LRP1B: variants seen among roughly 807,000 people sequenced by gnomAD.
LRP1B encodes low-density lipoprotein receptor-related protein 1B.
A neutral mutation model predicts 556.6 loss-of-function variants in LRP1B; 217 were observed. That is an observed-to-expected ratio of 0.39 (90% CI 0.35 to 0.44). The LOEUF (loss-of-function observed/expected upper bound fraction) is 0.44. LRP1B is among the 20% of genes least tolerant of loss of function. The probability of loss-of-function intolerance (pLI) is 1.00; values close to 1 mark genes in which losing one functional copy is unlikely to be tolerated. For synonymous variants in LRP1B, 2,047 were observed against 1,865.8 expected (o/e 1.10, Z -2.50); for missense variants, 5,053 against 5,620.8 (o/e 0.90, Z 3.23).
chr2:140,421,180 T>C (rs139479413), intron 66 of LRP1B, among the ~76,000 whole-genome samples: 2,536 of 152,090 alleles, frequency 0.017, 75 homozygotes, highest in African/African-American at 0.058. Context: ...GCTTGAACCC[T>C]GGAGACAGAG....
At chr2:141,957,585 T>C (rs1276776266) in intron 1 of LRP1B, among the ~76,000 whole-genome samples, 1 of 152,004 alleles carries the variant, frequency 6.6e-6, no homozygotes, top group Non-Finnish European at 1.5e-5. Context: ...CAGACACATT[T>C]TGTGCTCTTT....
At position 140,867,635 on chromosome 2, in the gene LRP1B, G is replaced by A. The variant is rs2105153421; in HGVS notation, c.4534C>T (p.Gln1512Ter). The A allele has an allele frequency of 6.2e-7, 1 of 1,613,422 alleles. No homozygotes were observed. The highest frequency in any genetic ancestry group is 8.5e-7 in the Non-Finnish European group (1 of 1,179,580). The change falls in exon 27 of 91, where the codon CAG becomes TAG. Residue 1512 changes from glutamine (Q) to a stop codon, truncating the protein, a stop_gained. Transcript: ENST00000389484. LOFTEE classifies it high-confidence loss of function. The stretch of plus-strand genomic sequence containing the variant: ...TGGTATATCTGAAGGTCAAATGGCT[G>A]TGCACTGGTTTTCTGAATCACACTG... ...NVSVIQKTSA[Q>*]PFDLQIYHPS... is the part of the protein sequence containing the mutation.
intron 18 of LRP1B, among the ~76,000 whole-genome samples, chr2:140,971,026 G>A (rs1346974466): frequency 6.6e-6 from 1 of 152,120 alleles, no homozygotes; most frequent in Admixed American, 6.5e-5. Flanking sequence ...TTACAGGCAT[G>A]AGCCACCGTG....
At chr2:140,902,017 A>G (rs1026802712) in intron 23 of LRP1B, among the ~76,000 whole-genome samples, 3 of 152,176 alleles carry the variant, frequency 2.0e-5, no homozygotes, top group African/African-American at 7.2e-5. Context: ...ATAATGTGAT[A>G]TGAATATATC....
rs1178705297 is a variant in LRP1B, at chr2:140,716,050, G to T, written c.5946C>A (p.Leu1982=). Residue 1982 remains leucine (L), a synonymous_variant, in exon 37 of 91, where the codon CTC becomes CTA. Transcript: ENST00000389484. The part of the protein sequence containing the change: ...HGFNLIEVAR[L]NGSFRYVIIS... The stretch of plus-strand genomic sequence containing the variant: ...TAATTACATAACGGAAAGAACCATT[G>T]AGTCTTGCAACTTCAATTAAGTTGA... The T allele has an allele frequency of 6.2e-7, 1 of 1,608,488 alleles. No homozygotes were observed. The highest frequency in any genetic ancestry group is 8.5e-7 in the Non-Finnish European group (1 of 1,175,714).
chr2:141,911,483 C>A (rs1699906800), intron 1 of LRP1B, among the ~76,000 whole-genome samples: 1 of 152,270 alleles, frequency 6.6e-6, no homozygotes, highest in Non-Finnish European at 1.5e-5. Context: ...CAAAACCCAG[C>A]CAGTTCCAAA....
chr2:140,854,508 CAA>C (rs1692556878), intron 27 of LRP1B, among the ~76,000 whole-genome samples: 1 of 152,082 alleles, frequency 6.6e-6, no homozygotes, highest in Non-Finnish European at 1.5e-5. Flanking sequence ...AATATTATTT[CAA>C]AGTTTCTTTC....
At chr2:141,093,687 A>G (rs148610769) in intron 7 of LRP1B, among the ~76,000 whole-genome samples, 1 of 152,146 alleles carries the variant, frequency 6.6e-6, no homozygotes, top group East Asian at 1.9e-4. Context: ...TGAGGGTGTG[A>G]GTAAAATAGA....
chr2:140,799,728 G>A (rs982643482), intron 32 of LRP1B, among the ~76,000 whole-genome samples: 1 of 152,132 alleles, frequency 6.6e-6, no homozygotes, highest in African/African-American at 2.4e-5. Flanking sequence ...AGAAATGCAG[G>A]CTTTCAAATC....
chr2:141,417,915 G>A (rs1422245127), intron 3 of LRP1B, among the ~76,000 whole-genome samples: 1 of 151,924 alleles, frequency 6.6e-6, no homozygotes, highest in African/African-American at 2.4e-5. Flanking sequence ...ATTGACAATG[G>A]CCTTCCTTAT....
intron 2 of LRP1B, among the ~76,000 whole-genome samples, chr2:141,686,884 C>A (rs1017430095): frequency 6.6e-6 from 1 of 151,958 alleles, no homozygotes; most frequent in Non-Finnish European, 1.5e-5. Context: ...GCTCAGCCCC[C>A]TAGCCATGTG....
intron 6 of LRP1B, among the ~76,000 whole-genome samples, chr2:141,217,146 G>A (rs766891083): frequency 5.3e-5 from 8 of 152,060 alleles, no homozygotes; most frequent in Non-Finnish European, 1.0e-4. Context: ...GTTGGAGGTG[G>A]GTCCTAGTGG....
intron 75 of LRP1B, among the ~76,000 whole-genome samples, chr2:140,355,418 G>A (rs1474170206): frequency 6.6e-6 from 1 of 151,890 alleles, no homozygotes; most frequent in African/African-American, 2.4e-5. Context: ...ACAATCAAAT[G>A]TCACGAATAA....
intron 1 of LRP1B, among the ~76,000 whole-genome samples, chr2:141,923,653 T>G (rs1700259866): frequency 6.6e-6 from 1 of 151,514 alleles, no homozygotes; most frequent in South Asian, 2.1e-4. Context: ...TTACAGAATG[T>G]CTGTAATGAC....
At chr2:140,953,962 T>G (rs939785304) in intron 18 of LRP1B, among the ~76,000 whole-genome samples, 1 of 152,216 alleles carries the variant, frequency 6.6e-6, no homozygotes, top group Non-Finnish European at 1.5e-5. Flanking sequence ...ACCGTTATTT[T>G]AATCTCCTCA....
At chr2:140,730,043 G>A (rs548708474) in intron 35 of LRP1B, among the ~76,000 whole-genome samples, 135 of 152,128 alleles carry the variant, frequency 8.9e-4, no homozygotes, top group Non-Finnish European at 1.6e-3. Context: ...TTCCTTCTTC[G>A]TCCGTATTCA....
intron 6 of LRP1B, among the ~76,000 whole-genome samples, chr2:141,212,173 T>C (rs181368321): frequency 1.4e-5 from 2 of 145,584 alleles, no homozygotes; most frequent in East Asian, 4.4e-4. Context: ...GGGAATAATA[T>C]AAAATCAGTT....
chr2:140,742,243 A>G (rs923829948), intron 35 of LRP1B, among the ~76,000 whole-genome samples: 3 of 152,192 alleles, frequency 2.0e-5, no homozygotes, highest in Non-Finnish European at 4.4e-5. Context: ...GGTGGGTGAG[A>G]AAACTGAGTG....
intron 60 of LRP1B, among the ~76,000 whole-genome samples, chr2:140,469,626 C>T (rs974063808): frequency 6.6e-6 from 1 of 152,102 alleles, no homozygotes; most frequent in African/African-American, 2.4e-5. Context: ...ATATATTATG[C>T]AATTTACCTG....
Sources: allele counts gnomAD v4.1 joint callset (sites outside exome capture counted in the v4.1 genomes callset), GRCh38; gene constraint gnomAD v4.1.1; transcripts MANE v1.5; gene names NCBI Gene and HGNC (gene_info 2026-07-23, HGNC 2026-07-21).